PTPN12: variants seen among roughly 807,000 people sequenced by gnomAD.
PTPN12 encodes the protein tyrosine-protein phosphatase non-receptor type 12.
PTPN12 carries 29 observed loss-of-function variants against 97.6 expected under a neutral mutation model. The ratio of observed to expected loss-of-function variants is 0.30; its 90% confidence interval spans 0.22 to 0.41. PTPN12 has a LOEUF of 0.41. Among genes scored for constraint, PTPN12 ranks in the 10% least tolerant of loss-of-function variants. The pLI, the probability that PTPN12 is intolerant of heterozygous loss-of-function variation, is 1.00. For synonymous variants in PTPN12, 327 were observed against 300.4 expected (o/e 1.09, Z -0.91); for missense variants, 819 against 926.0 (o/e 0.88, Z 1.50).
At chr7:77,548,916 T>G (rs1311236251) in intron 1 of PTPN12, among the ~76,000 whole-genome samples, 2 of 152,296 alleles carry the variant, frequency 1.3e-5, no homozygotes, top group African/African-American at 4.8e-5. Context: ...ATACTTCTCT[T>G]TGCTTCTCTG....
intron 1 of PTPN12, among the ~76,000 whole-genome samples, chr7:77,543,923 G>A (rs1202108063): frequency 4.6e-5 from 7 of 152,148 alleles, no homozygotes; most frequent in Admixed American, 4.6e-4. Flanking sequence ...GTGTTGATGG[G>A]TATTTGAATT....
intron 14 of PTPN12, 139 bp downstream of exon 14, chr7:77,632,564 ATTCT>A (rs1415212400): frequency 3.0e-6 from 2 of 669,180 alleles, no homozygotes; most frequent in Non-Finnish European, 5.2e-6. Flanking sequence ...CATGCTTTTA[ATTCT>A]TTGTTTGAAA....
chr7:77,553,217 C>G (rs892479020), intron 1 of PTPN12, among the ~76,000 whole-genome samples: 2 of 152,092 alleles, frequency 1.3e-5, no homozygotes, highest in Admixed American at 1.3e-4. Flanking sequence ...TTTGGTCTGT[C>G]TTGTTGAATG....
intron 5 of PTPN12, among the ~76,000 whole-genome samples, chr7:77,590,176 G>A (rs1328721591): frequency 6.6e-6 from 1 of 152,188 alleles, no homozygotes; most frequent in Non-Finnish European, 1.5e-5. Flanking sequence ...TGCAGTGTTA[G>A]AGATTATGTA....
At chr7:77,585,804 A>G (rs1787671565) in intron 5 of PTPN12, among the ~76,000 whole-genome samples, 1 of 152,146 alleles carries the variant, frequency 6.6e-6, no homozygotes, top group Non-Finnish European at 1.5e-5. Flanking sequence ...TACCTCAGAG[A>G]TATTATAGGT....
chr7:77,632,473 A>G (rs760352395), intron 14 of PTPN12, 48 bp downstream of exon 14: 21 of 1,363,432 alleles, frequency 1.5e-5, no homozygotes, highest in Non-Finnish European at 2.2e-5. Context: ...CTAATAATAA[A>G]CTCCGAAAAA....
intron 8 of PTPN12, 54 bp downstream of exon 8, chr7:77,600,860 C>CA (rs2151359936): frequency 1.4e-6 from 2 of 1,421,866 alleles, no homozygotes; most frequent in Non-Finnish European, 1.9e-6. Context: ...TGATGTTACA[C>CA]AAGGTTTTAT....
At chr7:77,554,856 TG>T (rs577122048) in intron 1 of PTPN12, among the ~76,000 whole-genome samples, 11 of 152,306 alleles carry the variant, frequency 7.2e-5, no homozygotes, top group Admixed American at 7.2e-4. Context: ...AGTTTTTTTT[TG>T]TTTCTGTTTT....
chr7:77,586,109 A>G (rs1451172737), intron 5 of PTPN12, among the ~76,000 whole-genome samples: 1 of 152,030 alleles, frequency 6.6e-6, no homozygotes, highest in Non-Finnish European at 1.5e-5. Flanking sequence ...ATGTGCCACC[A>G]CAACTGGCTA....
chr7:77,609,410 TAC>T (rs773711652), intron 9 of PTPN12, among the ~76,000 whole-genome samples: 6 of 151,166 alleles, frequency 4.0e-5, no homozygotes, highest in Non-Finnish European at 5.9e-5. Context: ...TAGCTGGGAT[TAC>T]ATGCACGCGG....
Position 77,627,564 on chromosome 7 carries a change from G to A in PTPN12, c.1885G>A (p.Ala629Thr). 3.7e-6 allele frequency: 6 copies of A among 1,614,018 alleles called. No individual in the cohort carries two copies. The highest frequency in any genetic ancestry group is 5.1e-6 in the Non-Finnish European group (6 of 1,180,008). The change falls in exon 13 of 18, where the codon GCC becomes ACC. Residue 629 changes from alanine (A) to threonine (T), a missense_variant. Coordinates refer to ENST00000248594, the MANE Select transcript of PTPN12 (RefSeq NM_002835.4). ...QNKTNISTAS[A>T]TVSAATSTES... ...TAAAACTAATATTTCAACAGCAAGTGCCACAGTTTCTGCTGCCACTAGTAC... is the reference window on the plus strand; with the variant it reads ...TAAAACTAATATTTCAACAGCAAGTACCACAGTTTCTGCTGCCACTAGTAC...
chr7:77,625,472 G>GCTCGCGCGCGCGCTCTCTCTCTCTCTCT lies in PTPN12; in HGVS notation c.1026-1230_1026-1229insGCGCGCGCGCTCTCTCTCTCTCTCTCTC. ...TTTTGCCATATTGCCCAGGCTGCTCGCTCTCTCTCTCTCTCTCTCTCTCTC... is the reference window on the plus strand; with the variant it reads ...TTTTGCCATATTGCCCAGGCTGCTCGCTCGCGCGCGCGCTCTCTCTCTCTCTCTCTCTCTCTCTCTCTCTCTCTCTCTC... On this transcript the variant is annotated intron_variant, in intron 12 of 17. Coordinates refer to ENST00000248594, the MANE Select transcript of PTPN12 (RefSeq NM_002835.4). Among the ~76,000 whole-genome samples the GCTCGCGCGCGCGCTCTCTCTCTCTCTCT allele has an allele frequency of 3.9e-4, 13 of 33,528 alleles. 1 individual carries two copies. Among genetic ancestry groups the GCTCGCGCGCGCGCTCTCTCTCTCTCTCT allele is most frequent in the African/African-American group, 8.0e-4 (6 of 7,528 alleles). The allele number at this position is 33,528 out of a possible 152,430, so 22.0% of individuals were successfully genotyped here.
At position 77,610,792 on chromosome 7, in the gene PTPN12, A is replaced by T; in HGVS notation, c.790A>T (p.Asn264Tyr). ...AATACCAGAGGAATTTAATGTATTTAATTTAATACAAGAAATGAGAACACA... is the reference window on the plus strand; with the variant it reads ...AATACCAGAGGAATTTAATGTATTTTATTTAATACAAGAAATGAGAACACA... ...GKIPEEFNVFNLIQEMRTQRH... is the reference protein window; with the variant it reads ...GKIPEEFNVFYLIQEMRTQRH... The change falls in exon 10 of 18, where the codon AAT (asparagine) becomes TAT (tyrosine). Residue 264 changes from asparagine to tyrosine, a missense_variant. Physicochemically the swap from Asn to Tyr is moderately radical, Grantham distance 143. Around this residue, in one of 5 missense-constraint regions of PTPN12, gnomAD observed 42 missense variants for 120.9 expected, o/e 0.35. Coordinates refer to ENST00000248594, the MANE Select transcript of PTPN12 (RefSeq NM_002835.4). The T allele has an allele frequency of 1.2e-6, 2 of 1,607,174 alleles. No homozygotes were observed. The highest frequency in any genetic ancestry group is 8.5e-7 in the Non-Finnish European group (1 of 1,178,308).
In PTPN12 at chr7:77,639,476, T is replaced by G. The variant is rs1469621601; in HGVS notation, c.*196T>G. ...TATTACATATGGTTTATTTTGAAAC[T>G]TCAAGTATTATTGCCTTAATGTCTC... is the stretch of plus-strand genomic sequence containing the variant. On this transcript the variant is annotated 3_prime_UTR_variant, in exon 18 of 18. Coordinates refer to ENST00000248594, the MANE Select transcript of PTPN12 (RefSeq NM_002835.4). The G allele has an allele frequency of 1.3e-5, 7 of 534,476 alleles. No individual in the cohort carries two copies. The highest frequency in any genetic ancestry group is 2.0e-5 in the Non-Finnish European group (6 of 303,448). 33.1% of individuals were successfully genotyped at this position (534,476 alleles called of 1,614,324 possible).
Position 77,590,354 on chromosome 7 carries a change from C to T in PTPN12, c.421-1831C>T, listed in dbSNP as rs1787826315. ...CTTACAACTTGTTTTCTATCTGTTT[C>T]AAAGTATTAAAGTTTTGTCAGGTAA... On this transcript the variant is annotated intron_variant, in intron 5 of 17. Transcript: ENST00000248594. 2.0e-5 allele frequency among the ~76,000 whole-genome samples: 3 copies of T among 152,074 alleles called. No individual in the cohort carries two copies. In the South Asian group the frequency reaches 6.2e-4, roughly 32 times the overall value.
chr7:77,635,788 C>A lies in PTPN12; in HGVS notation c.2081C>A (p.Pro694His). 1 of 1,597,288 alleles carries A rather than the reference C, an allele frequency of 6.3e-7. No individual in the cohort carries two copies. Among genetic ancestry groups the A allele is most frequent in the Non-Finnish European group, 8.5e-7 (1 of 1,172,702 alleles). Residue 694 changes from proline (P) to histidine (H), a missense_variant, in exon 15 of 18, where the codon CCT becomes CAT. Transcript: ENST00000248594. ...AAGATTTCATTTTTCTCAGATACAC[C>A]TGTAAGATCGGAATGGAGTGAACTT... ...SFVLASEHNT[P>H]VRSEWSELQS...
chr7:77,595,943 A>G (rs534374780), intron 6 of PTPN12, among the ~76,000 whole-genome samples: 5 of 152,288 alleles, frequency 3.3e-5, no homozygotes, highest in African/African-American at 1.2e-4. Flanking sequence ...AACAACCACA[A>G]TAATAATAAT....
At position 77,607,280 on chromosome 7, in the gene PTPN12, G is replaced by C; in HGVS notation, c.741G>C (p.Thr247=). 1.2e-6 allele frequency: 2 copies of C among 1,611,242 alleles called. No homozygotes were observed. Among genetic ancestry groups the C allele is most frequent in the Non-Finnish European group, 1.7e-6 (2 of 1,177,954 alleles). The change falls in exon 9 of 18, where the codon ACG becomes ACC. Residue 247 remains threonine, a synonymous_variant. Coordinates refer to ENST00000248594, the MANE Select transcript of PTPN12 (RefSeq NM_002835.4). ...RTGAICAIDY[T]WNLLKAGKIP... ...GTGCCATTTGTGCCATAGATTATAC[G>C]TGGAATTTACTAAAAGCTGGGGTAA...
intron 7 of PTPN12, among the ~76,000 whole-genome samples, chr7:77,600,148 T>G (rs1302964737): frequency 6.6e-6 from 1 of 152,210 alleles, no homozygotes; most frequent in Non-Finnish European, 1.5e-5. Context: ...GTAAGAAGAC[T>G]AGTGAGTTTG....
Sources: gnomAD v4.1 joint callset for allele counts (sites outside exome capture counted in the v4.1 genomes callset) on GRCh38, gnomAD v4.1.1 for gene constraint, gnomAD v4.1.1 regional missense constraint, MANE v1.5 for transcripts, NCBI Gene and HGNC (gene_info 2026-07-23, HGNC 2026-07-21) for gene names.